MGAT4C: variants seen among roughly 807,000 people sequenced by gnomAD.
MGAT4C encodes MGAT4 family member C.
A neutral mutation model predicts 40.1 loss-of-function variants in MGAT4C; 19 were observed. The ratio of observed to expected loss-of-function variants is 0.47; its 90% confidence interval spans 0.33 to 0.70. MGAT4C has a LOEUF of 0.70. Among genes scored for constraint, MGAT4C ranks in the 30% least tolerant of loss-of-function variants. The pLI is 0.02. For missense variants in MGAT4C, 491 were observed against 563.2 expected, an observed-to-expected ratio of 0.87 and a Z score of 1.30; for synonymous variants, 181 against 187.1, an observed-to-expected ratio of 0.97 and a Z score of 0.27.
intron 2 of MGAT4C, among the ~76,000 whole-genome samples, chr12:86,492,091 G>C (rs980738750): frequency 2.6e-5 from 4 of 152,228 alleles, no homozygotes; most frequent in Non-Finnish European, 5.9e-5. Context: ...ACTTGCAAGG[G>C]ATGTGAAGGA....
At chr12:86,791,076 G>A (rs1402846964) in intron 1 of MGAT4C, among the ~76,000 whole-genome samples, 7 of 152,124 alleles carry the variant, frequency 4.6e-5, no homozygotes, top group Non-Finnish European at 1.5e-5. Flanking sequence ...ATTTCGGTGT[G>A]CTCTAGTAAG....
At chr12:86,196,152 C>G (rs1267909592) in intron 1 of MGAT4C, among the ~76,000 whole-genome samples, 1 of 152,184 alleles carries the variant, frequency 6.6e-6, no homozygotes, top group Non-Finnish European at 1.5e-5. Flanking sequence ...TGAGGCCTCT[C>G]TCTCTCTCCT....
chr12:86,747,796 T>G (rs754908605), intron 1 of MGAT4C, among the ~76,000 whole-genome samples: 2 of 151,312 alleles, frequency 1.3e-5, no homozygotes, highest in African/African-American at 4.9e-5. Context: ...AAAAAGCTGG[T>G]AATAACTGGC....
intron 2 of MGAT4C, among the ~76,000 whole-genome samples, chr12:86,654,724 T>C (rs1963795852): frequency 6.6e-6 from 1 of 151,362 alleles, no homozygotes; most frequent in African/African-American, 2.4e-5. Context: ...CCTGTACCTT[T>C]TTTTTTTTTT....
At chr12:85,987,509 T>C (rs1885391820) in intron 3 of MGAT4C, among the ~76,000 whole-genome samples, 1 of 152,204 alleles carries the variant, frequency 6.6e-6, no homozygotes, top group African/African-American at 2.4e-5. Flanking sequence ...TGAGTAGATA[T>C]ATTCCTAATA....
intron 2 of MGAT4C, among the ~76,000 whole-genome samples, chr12:86,683,577 A>C (rs187293839): frequency 0.011 from 1,675 of 152,196 alleles, 14 homozygotes; most frequent in Non-Finnish European, 0.014. Flanking sequence ...ACTACTATGA[A>C]AAAAAAACCA....
At chr12:86,654,829 T>A (rs1322033344) in intron 2 of MGAT4C, among the ~76,000 whole-genome samples, 1 of 151,712 alleles carries the variant, frequency 6.6e-6, no homozygotes, top group Non-Finnish European at 1.5e-5. Context: ...GCGGTGAAGA[T>A]AGGAAAATGC....
At chr12:86,005,453 T>G (rs1029512776) in intron 2 of MGAT4C, among the ~76,000 whole-genome samples, 1 of 152,198 alleles carries the variant, frequency 6.6e-6, no homozygotes, top group Non-Finnish European at 1.5e-5. Context: ...GTATAGAATC[T>G]GAGTTAGGAA....
At chr12:86,729,004 T>C (rs1003855944) in intron 1 of MGAT4C, among the ~76,000 whole-genome samples, 4 of 152,168 alleles carry the variant, frequency 2.6e-5, no homozygotes, top group Non-Finnish European at 5.9e-5. Context: ...AATTCTGCAC[T>C]TAACTATAAC....
At chr12:86,108,852 A>G (rs942884447) in intron 1 of MGAT4C, among the ~76,000 whole-genome samples, 5 of 152,096 alleles carry the variant, frequency 3.3e-5, no homozygotes, top group Admixed American at 1.3e-4. Context: ...CTTCTACCCC[A>G]ACTCCTGCTC....
At chr12:86,535,089 A>C (rs1320631418) in intron 2 of MGAT4C, among the ~76,000 whole-genome samples, 1 of 152,122 alleles carries the variant, frequency 6.6e-6, no homozygotes, top group East Asian at 1.9e-4. Flanking sequence ...GTGAATACAT[A>C]ATTTAGAGTG....
intron 3 of MGAT4C, among the ~76,000 whole-genome samples, chr12:86,404,107 C>A (rs1232307659): frequency 3.9e-5 from 6 of 152,082 alleles, no homozygotes; most frequent in Non-Finnish European, 2.9e-5. Context: ...TGCTTGAGCC[C>A]AGAAGTTTGA....
intron 1 of MGAT4C, among the ~76,000 whole-genome samples, chr12:86,108,652 A>C (rs1565993475): frequency 6.6e-6 from 1 of 152,074 alleles, no homozygotes; most frequent in Admixed American, 6.6e-5. Context: ...TGTCCTGAAA[A>C]ATCCTTTTGA....
intron 4 of MGAT4C, among the ~76,000 whole-genome samples, chr12:86,293,646 G>A (rs1004035194): frequency 2.0e-5 from 3 of 152,134 alleles, no homozygotes; most frequent in Non-Finnish European, 4.4e-5. Flanking sequence ...TTGTAGCTTA[G>A]TGTGTGATAT....
Position 86,226,037 on chromosome 12 carries a change from G to A in MGAT4C, c.-57+30202C>T, listed in dbSNP as rs1029984884. ...ACTGGGAGGAAGCAAAAAACAAGGC[G>A]CTTGCATGTAATAACAGATCTATAT... On this transcript the variant is annotated intron_variant, in intron 1 of 4. Coordinates refer to ENST00000611864, the MANE Select transcript of MGAT4C (RefSeq NM_001351288.2). 7.3e-5 allele frequency among the ~76,000 whole-genome samples: 11 copies of A among 151,650 alleles called. 1 individual carries two copies. Among genetic ancestry groups the A allele is most frequent in the African/African-American group, 1.2e-4 (5 of 41,424 alleles).
intron 4 of MGAT4C, among the ~76,000 whole-genome samples, chr12:86,330,200 C>T (rs924846123): frequency 6.6e-6 from 1 of 152,138 alleles, no homozygotes; most frequent in African/African-American, 2.4e-5. Flanking sequence ...AGGAATGTTA[C>T]ACAAAGAGGC....
chr12:86,799,303 C>G (rs1276274652), intron 1 of MGAT4C, among the ~76,000 whole-genome samples: 2 of 151,602 alleles, frequency 1.3e-5, no homozygotes, highest in Non-Finnish European at 2.9e-5. Context: ...GGCATAATTT[C>G]TCTGGTTTTC....
intron 3 of MGAT4C, among the ~76,000 whole-genome samples, chr12:86,426,928 C>A (rs1188961376): frequency 2.6e-5 from 4 of 151,980 alleles, no homozygotes; most frequent in Non-Finnish European, 5.9e-5. Context: ...GCCTGGGCAA[C>A]AGAGCGAGAA....
At chr12:86,805,160 ATGT>A (rs1952325298) in intron 1 of MGAT4C, among the ~76,000 whole-genome samples, 1 of 151,920 alleles carries the variant, frequency 6.6e-6, no homozygotes, top group Non-Finnish European at 1.5e-5. Context: ...TGTTTGTTTA[ATGT>A]TAATTGTCTT....
Sources: allele counts gnomAD v4.1 joint callset (sites outside exome capture counted in the v4.1 genomes callset), GRCh38; gene constraint gnomAD v4.1.1; transcripts MANE v1.5; gene names NCBI Gene and HGNC (gene_info 2026-07-23, HGNC 2026-07-21).